The following RCAN2 variants were observed in gnomAD, a reference collection of about 807,000 sequenced individuals.
The protein encoded by RCAN2 is calcipressin-2.
RCAN2 carries 9 observed loss-of-function variants against 23.6 expected under a neutral mutation model. That is an observed-to-expected ratio of 0.38 (90% CI 0.23 to 0.67). The LOEUF is 0.67. RCAN2 is among the 30% of genes least tolerant of loss of function. The pLI is 0.51. For missense variants in RCAN2, 273 were observed against 302.3 expected (o/e 0.90, Z 0.72); for synonymous variants, 109 against 115.7 (o/e 0.94, Z 0.37).
chr6:46,265,139 T>C (rs1276785271), intron 2 of RCAN2, among the ~76,000 whole-genome samples: 1 of 152,160 alleles, frequency 6.6e-6, no homozygotes, highest in Non-Finnish European at 1.5e-5. Flanking sequence ...GAAGAATTCT[T>C]GTGCAATCCT....
At chr6:46,370,335 G>A (rs1765292249) in intron 2 of RCAN2, among the ~76,000 whole-genome samples, 1 of 152,066 alleles carries the variant, frequency 6.6e-6, no homozygotes. Flanking sequence ...CCTTGTTCTG[G>A]TTATTCTCCG....
intron 2 of RCAN2, among the ~76,000 whole-genome samples, chr6:46,275,737 G>A (rs1012839065): frequency 1.2e-4 from 19 of 152,090 alleles, no homozygotes; most frequent in Non-Finnish European, 2.9e-5. Context: ...CCACTATTCC[G>A]TCTTAGAGCT....
At chr6:46,414,033 G>T (rs1049040472) in intron 2 of RCAN2, among the ~76,000 whole-genome samples, 16 of 151,590 alleles carry the variant, frequency 1.1e-4, no homozygotes, top group Admixed American at 1.1e-3. Flanking sequence ...AAGGTAGCAA[G>T]GAGGTGGGAG....
chr6:46,308,138 G>A (rs1763127575), intron 2 of RCAN2, among the ~76,000 whole-genome samples: 1 of 152,114 alleles, frequency 6.6e-6, no homozygotes, highest in South Asian at 2.1e-4. Flanking sequence ...TTGGCTCTGT[G>A]ACTTGGGAGC....
rs367643858 is a variant in RCAN2, at chr6:46,352,610, T to G, written c.226-103714A>C. Among the ~76,000 whole-genome samples, 38 of 152,154 alleles carry G rather than the reference T, an allele frequency of 2.5e-4. 1 individual carries two copies. In the South Asian group the frequency reaches 5.2e-3, roughly 21 times the overall value. On this transcript the variant is annotated intron_variant, in intron 2 of 4. Transcript: ENST00000371374. ...CTGAACCTCTCCTCAAAATATTAGG[T>G]AGAAAGAATATTTTCAAAACTGACT...
chr6:46,255,245 G>GGTGTGTGTGTGTGTATGT (rs1766867452), intron 2 of RCAN2, among the ~76,000 whole-genome samples: 1 of 151,516 alleles, frequency 6.6e-6, no homozygotes, highest in African/African-American at 2.4e-5. Context: ...GTACAAGACA[G>GGTGTGTGTGTGTGTATGT]GTGTGTGTGT....
At chr6:46,337,020 C>T (rs138769116) in intron 2 of RCAN2, among the ~76,000 whole-genome samples, 1 of 149,796 alleles carries the variant, frequency 6.7e-6, no homozygotes, top group African/African-American at 2.4e-5. Context: ...CTGGGTAGAT[C>T]ATGGTAACTG....
intron 2 of RCAN2, among the ~76,000 whole-genome samples, chr6:46,323,479 C>T (rs1013890728): frequency 1.7e-4 from 26 of 151,958 alleles, no homozygotes; most frequent in African/African-American, 6.0e-4. Flanking sequence ...CAGTCTTCCT[C>T]GAAAAACCTC....
rs1766587549 is a variant in RCAN2 at position 46,412,827 on chromosome 6, T to C, written c.225+43925A>G. Reference sequence around the variant, plus strand: ...ACTCTGAGACCAGTAGAGGGGTTGTTGGGCCTTTGCTAGGAACAGAGAGAA... The same window carrying C: ...ACTCTGAGACCAGTAGAGGGGTTGTCGGGCCTTTGCTAGGAACAGAGAGAA... On this transcript the variant is annotated intron_variant, in intron 2 of 4. Transcript: ENST00000371374. Among the ~76,000 whole-genome samples the C allele has an allele frequency of 2.0e-5, 3 of 152,158 alleles. No individual in the cohort carries two copies. The South Asian group carries it at 6.2e-4, about 31-fold the overall frequency.
At chr6:46,343,690 T>C (rs1408791887) in intron 2 of RCAN2, among the ~76,000 whole-genome samples, 1 of 152,188 alleles carries the variant, frequency 6.6e-6, no homozygotes, top group Non-Finnish European at 1.5e-5. Flanking sequence ...AACAATTTGA[T>C]AGTATCTTTA....
At chr6:46,354,205 C>CTCTGTGTGTG (rs1382265750) in intron 2 of RCAN2, among the ~76,000 whole-genome samples, 12 of 133,070 alleles carry the variant, frequency 9.0e-5, no homozygotes, top group African/African-American at 3.5e-4. Context: ...TGTTATTTTA[C>CTCTGTGTGTG]TGTGTGTGTG....
chr6:46,391,129 A>G (rs1765922356), intron 2 of RCAN2, among the ~76,000 whole-genome samples: 1 of 152,208 alleles, frequency 6.6e-6, no homozygotes, highest in Non-Finnish European at 1.5e-5. Flanking sequence ...AAGTTATACA[A>G]TTGCCCTGTG....
At chr6:46,460,391 T>A (rs987482562) in intron 1 of RCAN2, among the ~76,000 whole-genome samples, 3 of 152,184 alleles carry the variant, frequency 2.0e-5, no homozygotes, top group African/African-American at 7.2e-5. Flanking sequence ...AATATCAAAC[T>A]GTTAGTCATT....
rs185912654 is a variant in RCAN2, at chr6:46,402,274, G to A, written c.225+54478C>T. On this transcript the variant is annotated intron_variant, in intron 2 of 4. Transcript: ENST00000371374. ...GTTGTATGTCCAGGTAAGTATATAC[G>A]TGTGTATATATGTGTGTGTTGTGTG... Among the ~76,000 whole-genome samples, 584 of 152,088 alleles carry A rather than the reference G, an allele frequency of 3.8e-3. 2 individuals carry two copies. Among genetic ancestry groups the A allele is most frequent in the African/African-American group, 0.013 (558 of 41,506 alleles).
chr6:46,446,718 G>A (rs1767720452), intron 2 of RCAN2, among the ~76,000 whole-genome samples: 1 of 152,082 alleles, frequency 6.6e-6, no homozygotes, highest in African/African-American at 2.4e-5. Flanking sequence ...GCGGAAAGAG[G>A]AGTAAAATTA....
intron 2 of RCAN2, among the ~76,000 whole-genome samples, chr6:46,258,456 T>TA (rs1452830801): frequency 6.6e-6 from 1 of 152,222 alleles, no homozygotes; most frequent in Non-Finnish European, 1.5e-5. Context: ...CTTTCTTCAC[T>TA]AACAAGAGAA....
chr6:46,270,532 C>G (rs1184193670), intron 2 of RCAN2, among the ~76,000 whole-genome samples: 1 of 152,162 alleles, frequency 6.6e-6, no homozygotes, highest in Non-Finnish European at 1.5e-5. Context: ...GATTGGCTGT[C>G]TTCTCAGATG....
At chr6:46,358,037 T>G (rs947912484) in intron 2 of RCAN2, among the ~76,000 whole-genome samples, 2 of 152,120 alleles carry the variant, frequency 1.3e-5, no homozygotes, top group African/African-American at 4.8e-5. Flanking sequence ...TATAAAATCT[T>G]TAGTTTATTT....
At chr6:46,344,282 G>C (rs1053876503) in intron 2 of RCAN2, among the ~76,000 whole-genome samples, 15 of 151,980 alleles carry the variant, frequency 9.9e-5, no homozygotes, top group Admixed American at 9.2e-4. Flanking sequence ...AGAAAAACAG[G>C]CTCAGAGTAT....
Sources: gnomAD v4.1 joint callset for allele counts (sites outside exome capture counted in the v4.1 genomes callset) on GRCh38, gnomAD v4.1.1 for gene constraint, MANE v1.5 for transcripts, NCBI Gene and HGNC (gene_info 2026-07-23, HGNC 2026-07-21) for gene names.